KIF1A: variants seen among roughly 807,000 people sequenced by gnomAD.
The protein encoded by KIF1A is kinesin family member 1A.
In KIF1A, 46 loss-of-function variants were observed where a neutral mutation model predicts 227.3. The ratio of observed to expected loss-of-function variants is 0.20; its 90% CI spans 0.16 to 0.26. The LOEUF is 0.26. Ranked by LOEUF, KIF1A falls within the 10% of genes least tolerant of loss-of-function variation. The pLI is 1.00. For missense variants in KIF1A, 1,683 were observed against 2,485.9 expected, an observed-to-expected ratio of 0.68 and a Z score of 6.87; for synonymous variants, 1,022 against 1,012.8, an observed-to-expected ratio of 1.01 and a Z score of -0.17.
chr2:240,786,458 T>C lies in KIF1A; in HGVS notation c.485A>G (p.Asn162Ser), dbSNP rs2054758940. The C allele has an allele frequency of 1.2e-6, 2 of 1,613,582 alleles. No individual in the cohort carries two copies. The highest frequency in any genetic ancestry group is 8.5e-7 in the Non-Finnish European group (1 of 1,179,776). Reference sequence around the variant, plus strand: ...CTCCCTCACGCGAAGGTTGCCCTTGTTCTTGGGGTTCAGGAGGTCACGGAC... The same window carrying C: ...CTCCCTCACGCGAAGGTTGCCCTTGCTCTTGGGGTTCAGGAGGTCACGGAC... ...ERVRDLLNPKNKGNLRVREHP... is the reference protein window; with the variant it reads ...ERVRDLLNPKSKGNLRVREHP... The change falls in exon 6 of 49, where the codon AAC becomes AGC. Residue 162 changes from asparagine to serine, a missense_variant. Physicochemically the swap from Asn to Ser is conservative, Grantham distance 46. Around this residue, in one of 12 missense-constraint regions of KIF1A, gnomAD observed 75 missense variants for 131.2 expected, o/e 0.57. Coordinates refer to ENST00000498729, the MANE Select transcript of KIF1A (RefSeq NM_001244008.2).
chr2:240,739,984 T>C lies in KIF1A; in HGVS notation c.3901+74A>G. ...CGCAGAGGTGTGGTTAGAACCCGGGTATCCAGCTCAGGGCCTGTACTCTTC... is the reference window on the plus strand; with the variant it reads ...CGCAGAGGTGTGGTTAGAACCCGGGCATCCAGCTCAGGGCCTGTACTCTTC... On this transcript the variant is annotated intron_variant, in intron 37 of 48. Coordinates refer to ENST00000498729, the MANE Select transcript of KIF1A (RefSeq NM_001244008.2). This position sits in a 1 kb window ranked among gnomAD's most constrained non-coding sequence, Gnocchi z 5.6. The C allele has an allele frequency of 8.5e-7, 1 of 1,182,660 alleles. No individual in the cohort carries two copies. The allele number at this position is 1,182,660 out of a possible 1,614,324, so 73.3% of individuals were successfully genotyped here.
chr2:240,785,249 G>A (rs905610828), intron 6 of KIF1A, 149 bp from the exon 7 acceptor site: 21 of 654,168 alleles, frequency 3.2e-5, no homozygotes, highest in Non-Finnish European at 4.8e-5. Flanking sequence ...CACTGATGGC[G>A]CCTCCTGCCA....
Position 240,726,955 on chromosome 2 carries a change from A to C in KIF1A, c.4008-15T>G. ...GGTAAAAGGTCCTGAAAGGAAGCAG[A>C]GACAAAGTAGAAGTTGATGGCGTGG... On this transcript the variant is annotated splice_polypyrimidine_tract_variant and intron_variant, in intron 38 of 48. Transcript: ENST00000498729. This position sits in a 1 kb window ranked among gnomAD's most constrained non-coding sequence, Gnocchi z 5.2. 1 of 1,518,012 alleles carries C rather than the reference A, an allele frequency of 6.6e-7. No individual in the cohort carries two copies. The highest frequency in any genetic ancestry group is 2.3e-5 in the East Asian group (1 of 43,624). 94.0% of individuals were successfully genotyped at this position (1,518,012 alleles called of 1,614,324 possible). A position where few individuals can be genotyped will look rare whatever the true frequency, so the allele number is the denominator to read the frequency against.
intron 25 of KIF1A, among the ~76,000 whole-genome samples, chr2:240,759,062 G>A (rs960518305): frequency 1.3e-5 from 2 of 152,114 alleles, no homozygotes; most frequent in African/African-American, 4.8e-5. Context: ...CACGTAACCT[G>A]GGAGAACAGG....
At chr2:240,737,243 G>A (rs2047441043) in intron 37 of KIF1A, 75 bp from the exon 38 acceptor site, 20 of 1,135,146 alleles carry the variant, frequency 1.8e-5, no homozygotes, top group Non-Finnish European at 2.7e-5. Flanking sequence ...CTCAGGTGGG[G>A]GTCCTGTCAG....
rs1228660351 is a variant in KIF1A, at chr2:240,793,126, G to T, written c.107-3814C>A. On this transcript the variant is annotated intron_variant, in intron 2 of 48. Coordinates refer to ENST00000498729, the MANE Select transcript of KIF1A (RefSeq NM_001244008.2). This position sits in a 1 kb window ranked among gnomAD's most constrained non-coding sequence, Gnocchi z 4.8. ...GTGCTACTGCTGCCCGTGCAGAGGGGCTTGCCCAGGTCCCCGACTGCTCGG... is the reference window on the plus strand; with the variant it reads ...GTGCTACTGCTGCCCGTGCAGAGGGTCTTGCCCAGGTCCCCGACTGCTCGG... 6.6e-6 allele frequency among the ~76,000 whole-genome samples: 1 copy of T among 152,230 alleles called. No individual in the cohort carries two copies. Among genetic ancestry groups the T allele is most frequent in the Non-Finnish European group, 1.5e-5 (1 of 68,034 alleles).
chr2:240,807,425 G>A (rs1054662912), intron 1 of KIF1A, among the ~76,000 whole-genome samples: 2 of 152,204 alleles, frequency 1.3e-5, no homozygotes, highest in Admixed American at 1.3e-4. Flanking sequence ...TTACAGGCAT[G>A]AGCCACCGCA....
chr2:240,769,406 ATCAGGCCTCAGGTCTC>A (rs1040506935), intron 16 of KIF1A, among the ~76,000 whole-genome samples, 198 bp from the exon 17 acceptor site: 33 of 152,356 alleles, frequency 2.2e-4, no homozygotes, highest in African/African-American at 7.7e-4. Context: ...GATCAGGTCT[ATCAGGCCTCAGGTCTC>A]TCAGGCCTTG....
At position 240,740,259 on chromosome 2, in the gene KIF1A, AG is replaced by A. The variant is rs1305538207; in HGVS notation, c.3816+38del. The A allele has an allele frequency of 2.0e-6, 3 of 1,495,116 alleles. No homozygotes were observed. The African/African-American group carries it at 4.4e-5, about 22-fold the overall frequency. 92.6% of individuals were successfully genotyped at this position (1,495,116 alleles called of 1,614,324 possible). A position where few individuals can be genotyped will look rare whatever the true frequency, so the allele number is the denominator to read the frequency against. Reference sequence around the variant, plus strand: ...AGGCTCACACCTGGTGGGGTGGGGGAGGGGACACAGGCAGGGTAGGGGCAAG... The same window carrying A: ...AGGCTCACACCTGGTGGGGTGGGGGAGGGACACAGGCAGGGTAGGGGCAAG... On this transcript the variant is annotated intron_variant, in intron 36 of 48. Transcript: ENST00000498729. The surrounding 1 kb of genome is among the most constrained non-coding windows in gnomAD (Gnocchi z 6.1).
chr2:240,723,385 C>T (rs1219439642), intron 42 of KIF1A, 28 bp downstream of exon 42: 35 of 1,531,012 alleles, frequency 2.3e-5, no homozygotes, highest in Admixed American at 4.0e-5. Context: ...CACCACCGTG[C>T]GGGCCTCATC....
At chr2:240,767,491 C>G (rs1212358825) in intron 17 of KIF1A, 146 bp from the exon 18 acceptor site, 11 of 657,102 alleles carry the variant, frequency 1.7e-5, no homozygotes, top group Non-Finnish European at 2.9e-5. Flanking sequence ...GCTGGTCACT[C>G]CAAGCCAGGA....
At position 240,725,213 on chromosome 2, in the gene KIF1A, C is replaced by T; in HGVS notation, c.4256+58G>A. ...GGACCGCTGCCAGGCAGAGCCCTGC[C>T]TGGCCCGCACCGAGACCAGGGTGGG... On this transcript the variant is annotated intron_variant, in intron 40 of 48. Transcript: ENST00000498729. This position sits in a 1 kb window ranked among gnomAD's most constrained non-coding sequence, Gnocchi z 5.8. The T allele has an allele frequency of 6.5e-7, 1 of 1,545,374 alleles. No homozygotes were observed. Among genetic ancestry groups the T allele is most frequent in the Non-Finnish European group, 8.7e-7 (1 of 1,144,922 alleles).
rs2044418724 is a variant in KIF1A at position 240,714,313 on chromosome 2, C to G, written c.*3051G>C. 6.6e-6 allele frequency: 1 copy of G among 152,402 alleles called. No individual in the cohort carries two copies. Among genetic ancestry groups the G allele is most frequent in the African/African-American group, 2.4e-5 (1 of 41,432 alleles). 9.4% of individuals were successfully genotyped at this position (152,402 alleles called of 1,614,324 possible). Reference sequence around the variant, plus strand: ...CTCAGCGATGACTCCCAGTGGGAGGCCTTGGACTTGGCACCCCTAGGCACT... The same window carrying G: ...CTCAGCGATGACTCCCAGTGGGAGGGCTTGGACTTGGCACCCCTAGGCACT... On this transcript the variant is annotated 3_prime_UTR_variant, in exon 49 of 49. Coordinates refer to ENST00000498729, the MANE Select transcript of KIF1A (RefSeq NM_001244008.2).
At chr2:240,809,696 T>A (rs2057709030) in intron 1 of KIF1A, among the ~76,000 whole-genome samples, 1 of 141,392 alleles carries the variant, frequency 7.1e-6, no homozygotes, top group Non-Finnish European at 1.5e-5. Flanking sequence ...TGAGACAGAG[T>A]CTCACTCTGT....
At position 240,760,923 on chromosome 2, in the gene KIF1A, T is replaced by G. The variant is rs1051429325; in HGVS notation, c.2266-80A>C. The G allele has an allele frequency of 8.9e-6, 12 of 1,344,084 alleles. No homozygotes were observed. In the African/African-American group the frequency reaches 1.8e-4, roughly 20 times the overall value. The allele number at this position is 1,344,084 out of a possible 1,614,324, so 83.3% of individuals were successfully genotyped here. A position where few individuals can be genotyped will look rare whatever the true frequency, so the allele number is the denominator to read the frequency against. ...TCCCCAAAAAGGCTTCCTTCCCACC[T>G]TCTGGAGATTTCAGCTGCCTGCCCC... On this transcript the variant is annotated intron_variant, in intron 24 of 48. Coordinates refer to ENST00000498729, the MANE Select transcript of KIF1A (RefSeq NM_001244008.2).
chr2:240,813,484 C>T (rs1163351553), intron 1 of KIF1A, among the ~76,000 whole-genome samples: 2 of 152,194 alleles, frequency 1.3e-5, no homozygotes, highest in Non-Finnish European at 2.9e-5. Flanking sequence ...CCCCGCCATC[C>T]ACCCTCCGAG....
At chr2:240,772,064 C>A (rs1238281011) in intron 14 of KIF1A, among the ~76,000 whole-genome samples, 2 of 152,312 alleles carry the variant, frequency 1.3e-5, no homozygotes, top group South Asian at 2.1e-4. Flanking sequence ...TTGGCAGTAT[C>A]CGCTGTGAAA....
At chr2:240,779,147 T>C (rs1450374989) in intron 10 of KIF1A, among the ~76,000 whole-genome samples, 3 of 138,924 alleles carry the variant, frequency 2.2e-5, no homozygotes, top group Non-Finnish European at 3.0e-5. Flanking sequence ...TCCTCACAGT[T>C]CCACACAGTT....
rs115694906 is a variant in KIF1A, at chr2:240,768,921, C to A, written c.1497+212G>T. Among the ~76,000 whole-genome samples the A allele has an allele frequency of 0.031, 4,657 of 152,176 alleles. 251 individuals carry two copies. The highest frequency in any genetic ancestry group is 0.11 in the African/African-American group (4,404 of 41,510). On this transcript the variant is annotated intron_variant, in intron 17 of 48. Coordinates refer to ENST00000498729, the MANE Select transcript of KIF1A (RefSeq NM_001244008.2). The stretch of plus-strand genomic sequence containing the variant: ...AAGAGACCCATCTGATGTCCCAAAG[C>A]CACCAGCATGCCCCACCATGAGAAT...
Sources: gnomAD v4.1 joint callset for allele counts (sites outside exome capture counted in the v4.1 genomes callset) on GRCh38, gnomAD v4.1.1 for gene constraint, gnomAD v4.1.1 regional missense constraint, Gnocchi (gnomAD v3.1) non-coding constraint, MANE v1.5 for transcripts, NCBI Gene and HGNC (gene_info 2026-07-23, HGNC 2026-07-21) for gene names.